The following TMEM230 variants were observed in gnomAD, a reference collection of about 807,000 sequenced individuals.
The protein encoded by TMEM230 is UPF0414 transmembrane protein C20orf30.
TMEM230 carries 10 observed loss-of-function variants against 15.8 expected under a neutral mutation model. That is an observed-to-expected ratio of 0.63 (90% CI 0.39 to 1.07). TMEM230 has a LOEUF of 1.07. TMEM230 is among the 50% of genes least tolerant of loss of function. The pLI is 0.01. For synonymous variants in TMEM230, 67 were observed against 76.9 expected (o/e 0.87, Z 0.68); for missense variants, 165 against 193.3 (o/e 0.85, Z 0.87).
chr20:5,110,310 A>G (rs2090262223), intron 2 of TMEM230, among the ~76,000 whole-genome samples: 1 of 146,516 alleles, frequency 6.8e-6, no homozygotes, highest in Non-Finnish European at 1.5e-5. Flanking sequence ...TCTTTGCGAT[A>G]GTCTCACTTT....
intron 3 of TMEM230, among the ~76,000 whole-genome samples, chr20:5,077,993 C>T (rs2089055222): frequency 6.6e-6 from 1 of 152,134 alleles, no homozygotes; most frequent in African/African-American, 2.4e-5. Context: ...GGCTTAGCTT[C>T]ACTGAGGTGA....
intron 3 of TMEM230, among the ~76,000 whole-genome samples, chr20:5,083,041 C>T (rs1387223873): frequency 6.6e-6 from 1 of 151,402 alleles, no homozygotes; most frequent in East Asian, 2.0e-4. Context: ...GATTCTCCTG[C>T]CTCAGCCTCA....
chr20:5,065,332 A>G (rs1423399006), downstream of TMEM230, among the ~76,000 whole-genome samples: 2 of 152,226 alleles, frequency 1.3e-5, no homozygotes, highest in Non-Finnish European at 2.9e-5. Flanking sequence ...AAGGGACACC[A>G]GAGGCTCAGA....
At chr20:5,099,701 G>T, downstream of TMEM230, 1 of 274,760 alleles carries the variant, frequency 3.6e-6, no homozygotes, top group Non-Finnish European at 5.4e-6. Context: ...CTCAGCTGAT[G>T]GCATGTCCAG....
downstream of TMEM230, among the ~76,000 whole-genome samples, chr20:5,098,989 C>T (rs149151292): frequency 1.6e-3 from 244 of 151,878 alleles, no homozygotes; most frequent in African/African-American, 5.6e-3. Flanking sequence ...CACTTTATAC[C>T]CTTCTGTTTA....
At chr20:5,086,708 T>G (rs1400993066) in intron 3 of TMEM230, among the ~76,000 whole-genome samples, 1 of 31,958 alleles carries the variant, frequency 3.1e-5, no homozygotes, top group Non-Finnish European at 6.3e-5. Context: ...CTTTTTATCT[T>G]TTTTTTTTTG....
At chr20:5,059,579 G>C in the TMEM230 span, among the ~76,000 whole-genome samples, 4 of 151,620 alleles carry the variant, frequency 2.6e-5, no homozygotes, top group Admixed American at 1.3e-4. Context: ...TTTAGTGATA[G>C]CCATATCCTT....
chr20:5,063,725 G>A (rs548434389), downstream of TMEM230, among the ~76,000 whole-genome samples: 1 of 152,238 alleles, frequency 6.6e-6, no homozygotes, highest in Admixed American at 6.5e-5. Flanking sequence ...TATACATACA[G>A]ATGTACACAT....
downstream of TMEM230, among the ~76,000 whole-genome samples, chr20:5,065,172 A>C (rs1009703413): frequency 5.9e-5 from 9 of 152,062 alleles, no homozygotes; most frequent in Admixed American, 4.6e-4. Flanking sequence ...TGATCCCAGC[A>C]CTTTGGGAGG....
intron 3 of TMEM230, among the ~76,000 whole-genome samples, chr20:5,086,706 CT>C (rs11287185): frequency 0.53 from 77,264 of 144,998 alleles, 20,626 homozygotes; most frequent in East Asian, 0.84. Flanking sequence ...ATCTTTTTAT[CT>C]TTTTTTTTTT....
At chr20:5,076,296 T>G (rs2088991582) in intron 3 of TMEM230, among the ~76,000 whole-genome samples, 1 of 151,562 alleles carries the variant, frequency 6.6e-6, no homozygotes, top group African/African-American at 2.4e-5. Context: ...ATCCAGCACT[T>G]TGGGAGGCCA....
chr20:5,067,087 T>C (rs1329569850), downstream of TMEM230: 1 of 151,982 alleles, frequency 6.6e-6, no homozygotes, highest in African/African-American at 2.4e-5. Context: ...GAAAGGTGCA[T>C]TGAAGTGCAG....
At position 5,090,594 on chromosome 20, in the gene TMEM230, C is replaced by T. The variant is rs183044703; in HGVS notation, c.222+15594G>A. The stretch of plus-strand genomic sequence containing the variant: ...AACTAGAGACAGATACATAGAAAAT[C>T]ATGCAAATAAACATGATTATTAACT... On this transcript the variant is annotated intron_variant, in intron 3 of 3. Transcript: ENST00000612323. Among the ~76,000 whole-genome samples, 324 of 152,172 alleles carry T rather than the reference C, an allele frequency of 2.1e-3. 3 individuals are homozygous for T. Among genetic ancestry groups the T allele is most frequent in the Non-Finnish European group, 2.4e-3 (161 of 67,992 alleles).
chr20:5,080,527 G>A (rs2089148948), intron 3 of TMEM230, among the ~76,000 whole-genome samples: 1 of 152,074 alleles, frequency 6.6e-6, no homozygotes, highest in African/African-American at 2.4e-5. Flanking sequence ...TGTAGAAAAA[G>A]GAAGTCAAGT....
chr20:5,079,789 C>G (rs988547858), intron 3 of TMEM230, among the ~76,000 whole-genome samples: 3 of 152,144 alleles, frequency 2.0e-5, no homozygotes, highest in African/African-American at 7.2e-5. Context: ...GGGTCTTGCT[C>G]TGTTGTCCAG....
At chr20:5,089,779 AG>A (rs2089455852) in intron 3 of TMEM230, among the ~76,000 whole-genome samples, 1 of 152,192 alleles carries the variant, frequency 6.6e-6, no homozygotes, top group African/African-American at 2.4e-5. Context: ...CCTGTAATCC[AG>A]CACTTTGGGA....
chr20:5,109,185 G>A (rs941062589), intron 3 of TMEM230, 147 bp downstream of exon 2: 1 of 603,782 alleles, frequency 1.7e-6, no homozygotes, highest in Non-Finnish European at 2.9e-6. Flanking sequence ...CTGCGATTAT[G>A]GCTGAAAGGG....
intron 4 of TMEM230, among the ~76,000 whole-genome samples, chr20:5,104,765 C>T (rs1321657274): frequency 3.3e-5 from 5 of 152,126 alleles, no homozygotes; most frequent in African/African-American, 1.2e-4. Flanking sequence ...TGAAATTAAG[C>T]CAGGCACAGA....
intron 3 of TMEM230, among the ~76,000 whole-genome samples, chr20:5,109,006 T>TA (rs1568508588): frequency 6.6e-6 from 1 of 152,012 alleles, no homozygotes; most frequent in African/African-American, 2.4e-5. Context: ...TAAAGTTCCT[T>TA]AAAAAAAGAA....
Sources: gnomAD v4.1 joint callset for allele counts (sites outside exome capture counted in the v4.1 genomes callset) on GRCh38, gnomAD v4.1.1 for gene constraint, MANE v1.5 for transcripts, NCBI Gene and HGNC (gene_info 2026-07-23, HGNC 2026-07-21) for gene names.